Variants in PPP1R13B observed in about 807,000 individuals in gnomAD.
PPP1R13B encodes the protein protein phosphatase 1 regulatory subunit 13B.
A neutral mutation model predicts 119.8 loss-of-function variants in PPP1R13B; 44 were observed. The ratio of observed to expected loss-of-function variants is 0.37; its 90% CI spans 0.29 to 0.47. The LOEUF is 0.47. Ranked by LOEUF, PPP1R13B falls within the 20% of genes least tolerant of loss-of-function variation. The pLI is 0.99. For synonymous variants in PPP1R13B, 542 were observed against 561.5 expected, an observed-to-expected ratio of 0.97 and a Z score of 0.49; for missense variants, 1,227 against 1,413.5, an observed-to-expected ratio of 0.87 and a Z score of 2.12.
chr14:103,835,208 C>T (rs1322265955), intron 1 of PPP1R13B, among the ~76,000 whole-genome samples: 1 of 152,146 alleles, frequency 6.6e-6, no homozygotes, highest in Non-Finnish European at 1.5e-5. Flanking sequence ...CTGCAACCTC[C>T]ACCTCCCAGG....
chr14:103,810,403 A>G (rs1052172047), intron 1 of PPP1R13B, among the ~76,000 whole-genome samples: 4 of 152,030 alleles, frequency 2.6e-5, no homozygotes, highest in Non-Finnish European at 5.9e-5. Context: ...CTCAAAAATA[A>G]TAAAAAATTA....
rs921619989 is a variant in PPP1R13B at position 103,847,279 on chromosome 14, T to C, written c.9+20A>G. 2 of 1,193,144 alleles carry C rather than the reference T, an allele frequency of 1.7e-6. No homozygotes were observed. Among genetic ancestry groups the C allele is most frequent in the Non-Finnish European group, 2.1e-6 (2 of 947,378 alleles). The allele number at this position is 1,193,144 out of a possible 1,614,324, so 73.9% of individuals were successfully genotyped here. Reference sequence around the variant, plus strand: ...GCCCGCGGAGGAAGCCGCCGCCACCTCCCGCCCGCCCTCACCCACCGGCAT... The same window carrying C: ...GCCCGCGGAGGAAGCCGCCGCCACCCCCCGCCCGCCCTCACCCACCGGCAT... On this transcript the variant is annotated intron_variant, in intron 1 of 16. Transcript: ENST00000202556.
Position 103,746,385 on chromosome 14 carries a change from T to A in PPP1R13B, c.1138A>T (p.Arg380Ter). Residue 380 changes from arginine to a stop codon, truncating the protein, a stop_gained, in exon 9 of 17, where the codon AGA becomes TGA. Coordinates refer to ENST00000202556, the MANE Select transcript of PPP1R13B (RefSeq NM_015316.3). LOFTEE classifies it high-confidence loss of function. ...LSIASNAAHG[R>*]SKSANDGNWP... ...CAGGACCACTCACCGGATTTGGATC[T>A]TCCATGAGCAGCATTTGAGGCAATA... 3 of 1,596,752 alleles carry A rather than the reference T, an allele frequency of 1.9e-6. No individual in the cohort carries two copies. Among genetic ancestry groups the A allele is most frequent in the Non-Finnish European group, 2.6e-6 (3 of 1,169,904 alleles).
Position 103,739,745 on chromosome 14 carries a change from G to A in PPP1R13B, c.2592+79C>T, listed in dbSNP as rs1028179484. ...GTTCCCACTGCTCCCAGCACAGCCT[G>A]ACCAAGGGAAGGACCCCAGAGGTCC... On this transcript the variant is annotated intron_variant, in intron 12 of 16. Transcript: ENST00000202556. The A allele has an allele frequency of 2.1e-6, 3 of 1,455,898 alleles. No homozygotes were observed. In the East Asian group the frequency reaches 7.2e-5, roughly 35 times the overall value. The allele number at this position is 1,455,898 out of a possible 1,614,324, so 90.2% of individuals were successfully genotyped here.
chr14:103,797,098 A>C (rs898026269), intron 2 of PPP1R13B, among the ~76,000 whole-genome samples: 6 of 125,162 alleles, frequency 4.8e-5, no homozygotes, highest in African/African-American at 1.7e-4. Flanking sequence ...ATACTGTCTC[A>C]AAAAAAAAAA....
intron 1 of PPP1R13B, among the ~76,000 whole-genome samples, chr14:103,817,107 G>T (rs4900599): frequency 0.29 from 43,988 of 151,822 alleles, 6,815 homozygotes; most frequent in Non-Finnish European, 0.34. Context: ...AAACAAAATT[G>T]CAAGTGCCTG....
At chr14:103,739,372 A>T (rs775470602) in intron 12 of PPP1R13B, 96 of 322,676 alleles carry the variant, frequency 3.0e-4, no homozygotes, top group Middle Eastern at 1.7e-3. Flanking sequence ...TCCTGCCCAC[A>T]TGCGACAGGG....
chr14:103,844,692 C>T (rs1460752476), intron 1 of PPP1R13B, among the ~76,000 whole-genome samples: 2 of 152,042 alleles, frequency 1.3e-5, no homozygotes, highest in Non-Finnish European at 2.9e-5. Context: ...TCATGTTGCA[C>T]TCCAGCCTGG....
rs149562014 is a variant in PPP1R13B, at chr14:103,773,346, G to C, written c.354+5399C>G. On this transcript the variant is annotated intron_variant, in intron 4 of 16. Transcript: ENST00000202556. Reference sequence around the variant, plus strand: ...AGATAAAATACTTCTCGAGATAACAGAGAATGTTCCAGAGCTGTTGACAGA... The same window carrying C: ...AGATAAAATACTTCTCGAGATAACACAGAATGTTCCAGAGCTGTTGACAGA... Among the ~76,000 whole-genome samples, 318 of 152,280 alleles carry C rather than the reference G, an allele frequency of 2.1e-3. 2 individuals are homozygous for C. The highest frequency in any genetic ancestry group is 6.8e-3 in the African/African-American group (281 of 41,566).
At chr14:103,789,968 G>A (rs964684584) in intron 2 of PPP1R13B, among the ~76,000 whole-genome samples, 17 of 152,186 alleles carry the variant, frequency 1.1e-4, no homozygotes, top group South Asian at 2.1e-4. Context: ...AATGAAGGCC[G>A]GGCCCGGTGG....
intron 15 of PPP1R13B, chr14:103,737,421 A>C (rs565764600): frequency 6.3e-6 from 2 of 317,656 alleles, no homozygotes; most frequent in African/African-American, 4.3e-5. Context: ...AAAAAAGTAC[A>C]AAAAATTAGC....
At chr14:103,810,841 C>G (rs956613859) in intron 1 of PPP1R13B, among the ~76,000 whole-genome samples, 1 of 150,890 alleles carries the variant, frequency 6.6e-6, no homozygotes, top group African/African-American at 2.4e-5. Flanking sequence ...GTAATCCCAG[C>G]ACTTTGGGAA....
chr14:103,775,624 A>T (rs1334553838), intron 4 of PPP1R13B, among the ~76,000 whole-genome samples: 2 of 152,198 alleles, frequency 1.3e-5, no homozygotes, highest in African/African-American at 2.4e-5. Context: ...TGTTGGACAA[A>T]CAAGCTATAA....
At chr14:103,751,684 T>C (rs1311105050) in intron 7 of PPP1R13B, among the ~76,000 whole-genome samples, 1 of 152,036 alleles carries the variant, frequency 6.6e-6, no homozygotes, top group African/African-American at 2.4e-5. Context: ...TACAACTCTC[T>C]CTCCACTACG....
chr14:103,750,596 C>T (rs535062000), intron 7 of PPP1R13B, among the ~76,000 whole-genome samples: 26 of 152,254 alleles, frequency 1.7e-4, no homozygotes, highest in African/African-American at 4.8e-4. Flanking sequence ...TCTGGGAGGC[C>T]GAGGTGGGTG....
At chr14:103,736,345 T>C (rs1414010707) in intron 15 of PPP1R13B, 143 bp from the exon 16 acceptor site, 4 of 809,434 alleles carry the variant, frequency 4.9e-6, no homozygotes, top group Non-Finnish European at 3.9e-6. Context: ...GATGAGACAC[T>C]ATTGAAGACT....
In PPP1R13B at chr14:103,834,581, CTT is replaced by C. The variant is rs1157222905; in HGVS notation, c.9+12716_9+12717del. Among the ~76,000 whole-genome samples, 886 of 89,328 alleles carry C rather than the reference CTT, an allele frequency of 9.9e-3. 8 individuals carry two copies. Among genetic ancestry groups the C allele is most frequent in the African/African-American group, 0.042 (831 of 19,566 alleles). 58.6% of individuals were successfully genotyped at this position (89,328 alleles called of 152,430 possible). A position where few individuals can be genotyped will look rare whatever the true frequency, so the allele number is the denominator to read the frequency against. Reference sequence around the variant, plus strand: ...GCACAGGGAAGGTAAATTTTAATGTCTTTTTTTTTTTTTTTTTTTTTTTTTTG... The same window carrying C: ...GCACAGGGAAGGTAAATTTTAATGTCTTTTTTTTTTTTTTTTTTTTTTTTG... On this transcript the variant is annotated intron_variant, in intron 1 of 16. Transcript: ENST00000202556.
rs891627435 is a variant in PPP1R13B, at chr14:103,753,987, C to T, written c.631+83G>A. 2.7e-6 allele frequency: 4 copies of T among 1,482,226 alleles called. No homozygotes were observed. In the African/African-American group the frequency reaches 4.2e-5, roughly 16 times the overall value. 91.8% of individuals were successfully genotyped at this position (1,482,226 alleles called of 1,614,324 possible). A position where few individuals can be genotyped will look rare whatever the true frequency, so the allele number is the denominator to read the frequency against. The stretch of plus-strand genomic sequence containing the variant: ...GCTATTTAGTCCTGTGAATTTGTGA[C>T]TGAATTGTCAGGCAGTTAGACTATG... On this transcript the variant is annotated intron_variant, in intron 6 of 16. Transcript: ENST00000202556.
chr14:103,798,647 C>T (rs933493834), intron 1 of PPP1R13B, among the ~76,000 whole-genome samples: 1 of 152,046 alleles, frequency 6.6e-6, no homozygotes, highest in African/African-American at 2.4e-5. Context: ...ATAAATGACC[C>T]TTAAACATAA....
Sources: allele counts gnomAD v4.1 joint callset (sites outside exome capture counted in the v4.1 genomes callset), GRCh38; gene constraint gnomAD v4.1.1; transcripts MANE v1.5; gene names NCBI Gene and HGNC (gene_info 2026-07-23, HGNC 2026-07-21).